CFAP299: variants seen among roughly 807,000 people sequenced by gnomAD.
CFAP299 encodes cilia and flagella associated protein 299, also known as cilia- and flagella-associated protein 299.
In CFAP299, 21 loss-of-function variants were observed where a neutral mutation model predicts 27.0. That is an observed-to-expected ratio of 0.78 (90% CI 0.55 to 1.12). CFAP299 has a LOEUF of 1.12. Among genes scored for constraint, CFAP299 ranks in the 50% most tolerant of loss-of-function variants. The probability of loss-of-function intolerance (pLI) is 0.00; values close to 1 mark genes in which losing one functional copy is unlikely to be tolerated. For synonymous variants in CFAP299, 104 were observed against 98.1 expected, an observed-to-expected ratio of 1.06 and a Z score of -0.36; for missense variants, 310 against 276.6, an observed-to-expected ratio of 1.12 and a Z score of -0.86.
At chr4:80,390,489 C>T (rs114423337) in intron 2 of CFAP299, among the ~76,000 whole-genome samples, 1 of 132,916 alleles carries the variant, frequency 7.5e-6, no homozygotes, top group Admixed American at 7.9e-5. Flanking sequence ...CTCTCTCTCT[C>T]TCTATATATA....
chr4:80,868,609 G>A (rs1447333567), intron 3 of CFAP299, among the ~76,000 whole-genome samples: 2 of 152,134 alleles, frequency 1.3e-5, no homozygotes, highest in East Asian at 1.9e-4. Flanking sequence ...AATGCTTTCA[G>A]AACAAAGATT....
intron 3 of CFAP299, among the ~76,000 whole-genome samples, chr4:80,631,755 C>A (rs1201347651): frequency 6.6e-6 from 1 of 151,572 alleles, no homozygotes; most frequent in Non-Finnish European, 1.5e-5. Flanking sequence ...TTGCTTTAGC[C>A]ACGTGAACAA....
chr4:80,582,633 T>C (rs562513298), intron 2 of CFAP299, among the ~76,000 whole-genome samples: 217 of 152,006 alleles, frequency 1.4e-3, no homozygotes, highest in African/African-American at 5.0e-3. Flanking sequence ...GTCAACCTAG[T>C]TTCGTTTCCT....
chr4:80,892,130 A>T (rs1366044810), intron 4 of CFAP299, among the ~76,000 whole-genome samples: 1 of 152,156 alleles, frequency 6.6e-6, no homozygotes, highest in East Asian at 1.9e-4. Flanking sequence ...GTAATAACTG[A>T]AAGAACATGG....
intron 3 of CFAP299, among the ~76,000 whole-genome samples, chr4:80,712,049 T>G (rs1722206465): frequency 1.3e-5 from 2 of 152,198 alleles, no homozygotes; most frequent in South Asian, 4.1e-4. Flanking sequence ...GCTCATGATG[T>G]ACTGCCAAGT....
intron 3 of CFAP299, among the ~76,000 whole-genome samples, chr4:80,702,272 A>T (rs1182723915): frequency 6.6e-6 from 1 of 151,806 alleles, no homozygotes; most frequent in African/African-American, 2.4e-5. Context: ...ATGAATTTTG[A>T]CATGCATTTC....
chr4:80,598,470 C>T (rs1401704860), intron 3 of CFAP299, among the ~76,000 whole-genome samples: 1 of 152,170 alleles, frequency 6.6e-6, no homozygotes, highest in African/African-American at 2.4e-5. Context: ...CCTTCATTAA[C>T]TACTACTAGA....
intron 2 of CFAP299, among the ~76,000 whole-genome samples, chr4:80,543,226 A>G (rs1734084351): frequency 6.6e-6 from 1 of 152,202 alleles, no homozygotes; most frequent in African/African-American, 2.4e-5. Flanking sequence ...CAGCAACTTC[A>G]AAGTGTAAAG....
chr4:80,398,737 C>A (rs1398047619), intron 2 of CFAP299, among the ~76,000 whole-genome samples: 1 of 152,136 alleles, frequency 6.6e-6, no homozygotes, highest in Non-Finnish European at 1.5e-5. Context: ...CATAAAAACC[C>A]TAGAATAAAA....
intron 4 of CFAP299, among the ~76,000 whole-genome samples, chr4:80,940,459 G>A (rs1318544114): frequency 2.0e-5 from 3 of 152,194 alleles, no homozygotes; most frequent in African/African-American, 7.2e-5. Context: ...TGTGGGTAAA[G>A]TGTAACTGTT....
At chr4:80,625,260 G>A (rs1738823849) in intron 3 of CFAP299, among the ~76,000 whole-genome samples, 1 of 151,880 alleles carries the variant, frequency 6.6e-6, no homozygotes, top group Admixed American at 6.6e-5. Flanking sequence ...TGGAGTAAAA[G>A]TAGATGGTGT....
intron 3 of CFAP299, among the ~76,000 whole-genome samples, chr4:80,696,585 G>T (rs1450589441): frequency 2.6e-5 from 4 of 152,008 alleles, no homozygotes; most frequent in African/African-American, 9.7e-5. Context: ...TCTACTCAAG[G>T]AGACAGACAA....
intron 3 of CFAP299, among the ~76,000 whole-genome samples, chr4:80,599,581 T>C (rs1187065123): frequency 2.0e-5 from 3 of 152,148 alleles, no homozygotes; most frequent in African/African-American, 7.2e-5. Context: ...TTTTTACTAG[T>C]CCACACAGTG....
intron 2 of CFAP299, among the ~76,000 whole-genome samples, chr4:80,545,284 A>G (rs1248709147): frequency 6.6e-6 from 1 of 152,192 alleles, no homozygotes. Context: ...AGTTGCACAG[A>G]GAGGAACTAG....
At chr4:80,830,482 C>A (rs913498092) in intron 3 of CFAP299, among the ~76,000 whole-genome samples, 3 of 151,976 alleles carry the variant, frequency 2.0e-5, no homozygotes. Context: ...TAGAGTCTGG[C>A]ATATTCTAAG....
intron 3 of CFAP299, among the ~76,000 whole-genome samples, chr4:80,679,290 A>G (rs1578009456): frequency 6.6e-6 from 1 of 151,994 alleles, no homozygotes; most frequent in East Asian, 1.9e-4. Flanking sequence ...TCGTGGTTTC[A>G]AATTTTGTTT....
At chr4:80,517,339 G>C (rs1355005949) in intron 2 of CFAP299, among the ~76,000 whole-genome samples, 1 of 152,112 alleles carries the variant, frequency 6.6e-6, no homozygotes, top group East Asian at 1.9e-4. Flanking sequence ...GCCTCCTAAA[G>C]AAAGAAATAG....
At chr4:80,895,841 G>A (rs1734586032) in intron 4 of CFAP299, among the ~76,000 whole-genome samples, 1 of 152,006 alleles carries the variant, frequency 6.6e-6, no homozygotes, top group Non-Finnish European at 1.5e-5. Flanking sequence ...GGTGAAAAGG[G>A]TAAAGGAATA....
At chr4:80,585,022 A>C (rs1226906603) in intron 3 of CFAP299, among the ~76,000 whole-genome samples, 1 of 152,160 alleles carries the variant, frequency 6.6e-6, no homozygotes, top group Non-Finnish European at 1.5e-5. Context: ...TGATATAATC[A>C]GATTTTCAGA....
Sources: allele counts gnomAD v4.1 joint callset (sites outside exome capture counted in the v4.1 genomes callset), GRCh38; gene constraint gnomAD v4.1.1; transcripts MANE v1.5; gene names NCBI Gene and HGNC (gene_info 2026-07-23, HGNC 2026-07-21).